The following NUDCD2 variants were observed in gnomAD, a reference collection of about 807,000 sequenced individuals.
NUDCD2 encodes the protein NudC domain containing 2.
Under a neutral mutation model 20.8 loss-of-function variants are expected in NUDCD2, and 16 were observed. The ratio of observed to expected loss-of-function variants is 0.77; its 90% CI spans 0.52 to 1.17. The LOEUF (loss-of-function observed/expected upper bound fraction) is 1.17, where lower values mean the gene tolerates loss of function less well. Ranked by LOEUF, NUDCD2 falls within the 50% of genes most tolerant of loss-of-function variation. NUDCD2 has a pLI of 0.00. For synonymous variants in NUDCD2, 87 were observed against 72.8 expected (o/e 1.20, Z -1.00); for missense variants, 199 against 193.9 (o/e 1.03, Z -0.16).
chr5:163,458,123 C>T lies in NUDCD2; in HGVS notation c.190-513G>A, dbSNP rs371283865. On this transcript the variant is annotated intron_variant, in intron 1 of 3. Coordinates refer to ENST00000302764, the MANE Select transcript of NUDCD2 (RefSeq NM_145266.6). ...TCAACCTCCCAAGTAGCTAGGACTA[C>T]AGGCGCCCGCCACCACGCCCGGCTA... Among the ~76,000 whole-genome samples the T allele has an allele frequency of 1.6e-3, 241 of 150,800 alleles. 10 individuals are homozygous for T. In the South Asian group the frequency reaches 0.049, roughly 31 times the overall value.
intron 3 of NUDCD2, among the ~76,000 whole-genome samples, chr5:163,455,447 G>A (rs566846777): frequency 6.6e-6 from 1 of 152,332 alleles, no homozygotes; most frequent in Admixed American, 6.5e-5. Flanking sequence ...GAAGTGGCAT[G>A]ATGTGACTTG....
At position 163,449,470 on chromosome 5, in the gene NUDCD2, A is replaced by G. The variant is rs546413973; in HGVS notation, c.*4497T>C. ...ATAAAATGCTGATAACTGAAATGAAAGAGGTCCTAAATAGATACCTCATGT... is the reference window on the plus strand; with the variant it reads ...ATAAAATGCTGATAACTGAAATGAAGGAGGTCCTAAATAGATACCTCATGT... On this transcript the variant is annotated 3_prime_UTR_variant, in exon 4 of 4. Coordinates refer to ENST00000302764, the MANE Select transcript of NUDCD2 (RefSeq NM_145266.6). The G allele has an allele frequency of 7.2e-5, 11 of 152,382 alleles. No individual in the cohort carries two copies. The highest frequency in any genetic ancestry group is 2.4e-4 in the African/African-American group (10 of 41,590). The allele number at this position is 152,382 out of a possible 1,614,324, so 9.4% of individuals were successfully genotyped here. A position where few individuals can be genotyped will look rare whatever the true frequency, so the allele number is the denominator to read the frequency against.
Position 163,460,065 on chromosome 5 carries a change from C to A in NUDCD2, c.-15G>T, listed in dbSNP as rs781253733. On this transcript the variant is annotated 5_prime_UTR_variant, in exon 1 of 4. Coordinates refer to ENST00000302764, the MANE Select transcript of NUDCD2 (RefSeq NM_145266.6). ...GGGGCCGACATAATCCAGTCCCTCC[C>A]GGCCGCGGCCGCACCAGGCGGAGCC... The A allele has an allele frequency of 3.9e-6, 6 of 1,532,724 alleles. No homozygotes were observed. The highest frequency in any genetic ancestry group is 2.4e-5 in the East Asian group (1 of 42,064). The allele number at this position is 1,532,724 out of a possible 1,614,324, so 94.9% of individuals were successfully genotyped here.
In NUDCD2 at chr5:163,450,465, TAA is replaced by T. The variant is rs1379199274; in HGVS notation, c.*3500_*3501del. 5 of 152,186 alleles carry T rather than the reference TAA, an allele frequency of 3.3e-5. No individual in the cohort carries two copies. The highest frequency in any genetic ancestry group is 1.2e-4 in the African/African-American group (5 of 41,442). 9.4% of individuals were successfully genotyped at this position (152,186 alleles called of 1,614,324 possible). ...GTAAGAGACTTGTACCCAGAATATA[TAA>T]AGACTCTTACTACCCAATAAGACAA... is the stretch of plus-strand genomic sequence containing the variant. On this transcript the variant is annotated 3_prime_UTR_variant, in exon 4 of 4. Coordinates refer to ENST00000302764, the MANE Select transcript of NUDCD2 (RefSeq NM_145266.6).
At chr5:163,456,127 T>C (rs1356606492) in intron 3 of NUDCD2, among the ~76,000 whole-genome samples, 1 of 152,174 alleles carries the variant, frequency 6.6e-6, no homozygotes, top group Non-Finnish European at 1.5e-5. Context: ...GGTGGAGATG[T>C]TGAATAGGCA....
Position 163,453,572 on chromosome 5 carries a change from A to T in NUDCD2, c.*395T>A, listed in dbSNP as rs1470831912. 1 of 153,486 alleles carries T rather than the reference A, an allele frequency of 6.5e-6. No homozygotes were observed. The highest frequency in any genetic ancestry group is 2.4e-5 in the African/African-American group (1 of 41,498). The allele number at this position is 153,486 out of a possible 1,614,324, so 9.5% of individuals were successfully genotyped here. A position where few individuals can be genotyped will look rare whatever the true frequency, so the allele number is the denominator to read the frequency against. On this transcript the variant is annotated 3_prime_UTR_variant, in exon 4 of 4. Coordinates refer to ENST00000302764, the MANE Select transcript of NUDCD2 (RefSeq NM_145266.6). Reference sequence around the variant, plus strand: ...TTGTTATACTTAGACAAAGGGGTACACAATTCCTATTTAGAAAATTTTATT... The same window carrying T: ...TTGTTATACTTAGACAAAGGGGTACTCAATTCCTATTTAGAAAATTTTATT...
rs1758059993 is a variant in NUDCD2 at position 163,447,278 on chromosome 5, C to T, written c.*6689G>A. 6.6e-6 allele frequency: 1 copy of T among 152,048 alleles called. No homozygotes were observed. Among genetic ancestry groups the T allele is most frequent in the Admixed American group, 6.6e-5 (1 of 15,242 alleles). The allele number at this position is 152,048 out of a possible 1,614,324, so 9.4% of individuals were successfully genotyped here. On this transcript the variant is annotated 3_prime_UTR_variant, in exon 4 of 4. Transcript: ENST00000302764. ...ACCAGCCTACTCAACATAGGGAGACCCTATCTCTACAAAAAATCAAAAATT... is the reference window on the plus strand; with the variant it reads ...ACCAGCCTACTCAACATAGGGAGACTCTATCTCTACAAAAAATCAAAAATT...
rs1393324694 is a variant in NUDCD2, at chr5:163,452,792, A to C, written c.*1175T>G. The C allele has an allele frequency of 6.6e-6, 1 of 152,222 alleles. No individual in the cohort carries two copies. Among genetic ancestry groups the C allele is most frequent in the Non-Finnish European group, 1.5e-5 (1 of 68,028 alleles). 9.4% of individuals were successfully genotyped at this position (152,222 alleles called of 1,614,324 possible). On this transcript the variant is annotated 3_prime_UTR_variant, in exon 4 of 4. Coordinates refer to ENST00000302764, the MANE Select transcript of NUDCD2 (RefSeq NM_145266.6). Reference sequence around the variant, plus strand: ...TCATGAAGTATCAGACAGAACTCAAAATAAGGGGTGTTCTACAAAACTAGC... The same window carrying C: ...TCATGAAGTATCAGACAGAACTCAACATAAGGGGTGTTCTACAAAACTAGC...
intron 1 of NUDCD2, among the ~76,000 whole-genome samples, chr5:163,458,270 C>T (rs1323268130): frequency 1.3e-5 from 2 of 151,910 alleles, no homozygotes; most frequent in African/African-American, 2.4e-5. Context: ...CATGAGCTAC[C>T]GCACCCGGCA....
At position 163,453,234 on chromosome 5, in the gene NUDCD2, G is replaced by A. The variant is rs1415335067; in HGVS notation, c.*733C>T. ...ACATAAATAGGATATTGAATAAAATGTCTATAGACAATTCCTACCTATATG... is the reference window on the plus strand; with the variant it reads ...ACATAAATAGGATATTGAATAAAATATCTATAGACAATTCCTACCTATATG... On this transcript the variant is annotated 3_prime_UTR_variant, in exon 4 of 4. Coordinates refer to ENST00000302764, the MANE Select transcript of NUDCD2 (RefSeq NM_145266.6). The A allele has an allele frequency of 6.6e-6, 1 of 152,134 alleles. No homozygotes were observed. Among genetic ancestry groups the A allele is most frequent in the East Asian group, 1.9e-4 (1 of 5,198 alleles). The allele number at this position is 152,134 out of a possible 1,614,324, so 9.4% of individuals were successfully genotyped here. A position where few individuals can be genotyped will look rare whatever the true frequency, so the allele number is the denominator to read the frequency against.
chr5:163,458,202 C>G (rs1382359758), intron 1 of NUDCD2, among the ~76,000 whole-genome samples: 1 of 151,974 alleles, frequency 6.6e-6, no homozygotes, highest in African/African-American at 2.4e-5. Flanking sequence ...AGGCTGGTCT[C>G]GAACTCCTGA....
chr5:163,460,059 C>T lies in NUDCD2; in HGVS notation c.-9G>A. The T allele has an allele frequency of 6.5e-7, 1 of 1,546,628 alleles. No individual in the cohort carries two copies. The highest frequency in any genetic ancestry group is 8.7e-7 in the Non-Finnish European group (1 of 1,148,026). ...TCAAACGGGGCCGACATAATCCAGT[C>T]CCTCCCGGCCGCGGCCGCACCAGGC... On this transcript the variant is annotated 5_prime_UTR_variant, in exon 1 of 4. Transcript: ENST00000302764.
In NUDCD2 at chr5:163,448,998, T is replaced by C. The variant is rs1266016944; in HGVS notation, c.*4969A>G. On this transcript the variant is annotated 3_prime_UTR_variant, in exon 4 of 4. Coordinates refer to ENST00000302764, the MANE Select transcript of NUDCD2 (RefSeq NM_145266.6). The stretch of plus-strand genomic sequence containing the variant: ...AAAAGCCTACAGCTTGCATACATAA[T>C]GGTCAAAAACAATGCTTTCAAAATC... 6.6e-6 allele frequency: 1 copy of C among 152,232 alleles called. No homozygotes were observed. The highest frequency in any genetic ancestry group is 1.5e-5 in the Non-Finnish European group (1 of 68,036). 9.4% of individuals were successfully genotyped at this position (152,232 alleles called of 1,614,324 possible). A position where few individuals can be genotyped will look rare whatever the true frequency, so the allele number is the denominator to read the frequency against.
rs765333380 is a variant in NUDCD2, at chr5:163,454,059, T to A, written c.391-9A>T. On this transcript the variant is annotated splice_polypyrimidine_tract_variant and intron_variant, in intron 3 of 3. Coordinates refer to ENST00000302764, the MANE Select transcript of NUDCD2 (RefSeq NM_145266.6). ...AAGTCAAAACCAGGATTCTAAAAGA[T>A]ACAAACATATATATAATGAAATAAA... 4 of 1,449,660 alleles carry A rather than the reference T, an allele frequency of 2.8e-6. No homozygotes were observed. In the Admixed American group the frequency reaches 7.8e-5, roughly 28 times the overall value. 89.8% of individuals were successfully genotyped at this position (1,449,660 alleles called of 1,614,324 possible).
Position 163,453,992 on chromosome 5 carries a change from G to A in NUDCD2, c.449C>T (p.Pro150Leu). 6.5e-7 allele frequency: 1 copy of A among 1,548,248 alleles called. No individual in the cohort carries two copies. Among genetic ancestry groups the A allele is most frequent in the Non-Finnish European group, 8.7e-7 (1 of 1,143,448 alleles). ...EISGNYTKGG[P>L]DFSNLEK The stretch of plus-strand genomic sequence containing the variant: ...TTATTTCTCAAGGTTTGAGAAATCT[G>A]GTCCACCTTTAGTGTAGTTTCCTGA... The change falls in exon 4 of 4, where the codon CCA becomes CTA. Residue 150 changes from proline (P) to leucine (L), a missense_variant. Transcript: ENST00000302764.
chr5:163,458,659 G>A (rs919218053), intron 1 of NUDCD2, among the ~76,000 whole-genome samples: 1 of 151,962 alleles, frequency 6.6e-6, no homozygotes, highest in Non-Finnish European at 1.5e-5. Flanking sequence ...CCAAATTTAA[G>A]TTATAGAAAG....
At chr5:163,457,728 G>C (rs1276800183) in intron 1 of NUDCD2, 118 bp from the exon 2 acceptor site, 1 of 690,852 alleles carries the variant, frequency 1.4e-6, no homozygotes, top group African/African-American at 1.8e-5. Flanking sequence ...ACTTCACCAT[G>C]ACATTTATAG....
In NUDCD2 at chr5:163,450,368, T is replaced by G. The variant is rs1054793210; in HGVS notation, c.*3599A>C. On this transcript the variant is annotated 3_prime_UTR_variant, in exon 4 of 4. Transcript: ENST00000302764. ...ATGATGGATAAGACTTCATCAAAATTAAGTCTGTGCTTCAAAAGACACTAT... is the reference window on the plus strand; with the variant it reads ...ATGATGGATAAGACTTCATCAAAATGAAGTCTGTGCTTCAAAAGACACTAT... 1 of 152,128 alleles carries G rather than the reference T, an allele frequency of 6.6e-6. No homozygotes were observed. Among genetic ancestry groups the G allele is most frequent in the Non-Finnish European group, 1.5e-5 (1 of 68,016 alleles). 9.4% of individuals were successfully genotyped at this position (152,128 alleles called of 1,614,324 possible).
chr5:163,458,711 T>C (rs1185911041), intron 1 of NUDCD2, among the ~76,000 whole-genome samples: 1 of 152,176 alleles, frequency 6.6e-6, no homozygotes, highest in African/African-American at 2.4e-5. Flanking sequence ...TTTTAAAATA[T>C]GTCAAAATTA....
Sources: allele counts gnomAD v4.1 joint callset (sites outside exome capture counted in the v4.1 genomes callset), GRCh38; gene constraint gnomAD v4.1.1; transcripts MANE v1.5; gene names NCBI Gene and HGNC (gene_info 2026-07-23, HGNC 2026-07-21).